The following GPR19 variants were observed in gnomAD, a reference collection of about 807,000 sequenced individuals.
The protein encoded by GPR19 is probable G protein-coupled receptor 19.
Under a neutral mutation model 28.5 loss-of-function variants are expected in GPR19, and 14 were observed. The ratio of observed to expected loss-of-function variants is 0.49; its 90% CI spans 0.32 to 0.77. The LOEUF (loss-of-function observed/expected upper bound fraction) is 0.77, where lower values mean the gene tolerates loss of function less well. Among genes scored for constraint, GPR19 ranks in the 30% least tolerant of loss-of-function variants. GPR19 has a pLI of 0.03. For synonymous variants in GPR19, 173 were observed against 184.1 expected (o/e 0.94, Z 0.49); for missense variants, 409 against 504.1 (o/e 0.81, Z 1.81).
At chr12:12,700,585 A>T (rs1156894646), upstream of GPR19, among the ~76,000 whole-genome samples, 1 of 152,216 alleles carries the variant, frequency 6.6e-6, no homozygotes, top group Non-Finnish European at 1.5e-5. Context: ...CAGGTCACTC[A>T]AAACCTTTGC....
the GPR19 span, among the ~76,000 whole-genome samples, chr12:12,701,547 T>C: frequency 2.6e-5 from 4 of 152,202 alleles, no homozygotes; most frequent in African/African-American, 9.7e-5. Context: ...CAGTGTCCTT[T>C]CTATTCACCA....
In GPR19 at chr12:12,661,210, A is replaced by T; in HGVS notation, c.1239T>A (p.Thr413=). The change falls in exon 4 of 4, where the codon ACT becomes ACA. Residue 413 remains threonine (T), a synonymous_variant. Coordinates refer to ENST00000651487, the MANE Select transcript of GPR19 (RefSeq NM_006143.3). This position sits in a 1 kb window ranked among gnomAD's most constrained non-coding sequence, Gnocchi z 4.2. The part of the protein sequence containing the change: ...AWPINSNPPN[T]FV ...TTGAAAGAATGAGAACTTAGACAAAAGTATTTGGTGGATTTGAGTTAATGG... is the reference window on the plus strand; with the variant it reads ...TTGAAAGAATGAGAACTTAGACAAATGTATTTGGTGGATTTGAGTTAATGG... 2 of 1,597,774 alleles carry T rather than the reference A, an allele frequency of 1.3e-6. No homozygotes were observed. Among genetic ancestry groups the T allele is most frequent in the Non-Finnish European group, 1.7e-6 (2 of 1,172,464 alleles).
chr12:12,664,482 A>C (rs1945729968), intron 3 of GPR19, among the ~76,000 whole-genome samples: 1 of 152,130 alleles, frequency 6.6e-6, no homozygotes, highest in African/African-American at 2.4e-5. Flanking sequence ...TAAGTAAGAT[A>C]ATTAAAATTT....
chr12:12,717,187 C>T, the GPR19 span: 2 of 1,046,102 alleles, frequency 1.9e-6, no homozygotes, highest in Non-Finnish European at 2.3e-6. Context: ...AGCAGTCACG[C>T]GACCAGCCAA....
At chr12:12,689,152 C>T (rs1038784025) in intron 2 of GPR19, among the ~76,000 whole-genome samples, 2 of 152,236 alleles carry the variant, frequency 1.3e-5, no homozygotes, top group South Asian at 4.1e-4. Context: ...TGGTGCCACA[C>T]ACTTAATACA....
At chr12:12,686,807 C>T (rs1946103913) in intron 2 of GPR19, among the ~76,000 whole-genome samples, 1 of 152,118 alleles carries the variant, frequency 6.6e-6, no homozygotes, top group African/African-American at 2.4e-5. Flanking sequence ...TAAGAAATCA[C>T]AAAGATTGCT....
chr12:12,716,937 C>T, the GPR19 span: 2 of 985,140 alleles, frequency 2.0e-6, no homozygotes, highest in Non-Finnish European at 2.4e-6. Context: ...CAGCTCGCCA[C>T]CCCGGCTCCT....
intron 3 of GPR19, among the ~76,000 whole-genome samples, chr12:12,664,188 C>T (rs1945724321): frequency 6.6e-6 from 1 of 152,038 alleles, no homozygotes; most frequent in African/African-American, 2.4e-5. Flanking sequence ...CCGGGTTTCC[C>T]CACGTTGGCC....
At chr12:12,680,676 T>C (rs1057452166) in intron 3 of GPR19, among the ~76,000 whole-genome samples, 4 of 149,634 alleles carry the variant, frequency 2.7e-5, no homozygotes, top group African/African-American at 9.9e-5. Flanking sequence ...CCAGCTATTT[T>C]TGTAGATCTC....
the GPR19 span, among the ~76,000 whole-genome samples, chr12:12,702,984 T>C: frequency 6.6e-6 from 1 of 152,180 alleles, no homozygotes; most frequent in African/African-American, 2.4e-5. Context: ...CAGTATACAG[T>C]TTCCTTAAAT....
At chr12:12,709,969 G>C in the GPR19 span, among the ~76,000 whole-genome samples, 1 of 152,172 alleles carries the variant, frequency 6.6e-6, no homozygotes, top group Admixed American at 6.5e-5. Context: ...CCCAGCAGAG[G>C]TTATGGGAAC....
At chr12:12,691,936 A>T (rs1946186530) in intron 2 of GPR19, among the ~76,000 whole-genome samples, 1 of 152,184 alleles carries the variant, frequency 6.6e-6, no homozygotes, top group Non-Finnish European at 1.5e-5. Context: ...AGTCCTATAT[A>T]ACAATCAAAA....
At chr12:12,689,989 C>A (rs540711846) in intron 2 of GPR19, among the ~76,000 whole-genome samples, 1 of 152,224 alleles carries the variant, frequency 6.6e-6, no homozygotes, top group Non-Finnish European at 1.5e-5. Context: ...AGTGACCATA[C>A]CCCTAGCTAA....
At chr12:12,705,249 G>A in the GPR19 span, among the ~76,000 whole-genome samples, 2 of 151,770 alleles carry the variant, frequency 1.3e-5, no homozygotes, top group Admixed American at 1.3e-4. Flanking sequence ...CTTGGGAGGC[G>A]GAGGTTACAG....
chr12:12,671,537 G>A (rs1445293794), intron 3 of GPR19, among the ~76,000 whole-genome samples: 1 of 152,080 alleles, frequency 6.6e-6, no homozygotes, highest in African/African-American at 2.4e-5. Flanking sequence ...CTGGCATCAA[G>A]CAGTTTCTCA....
At chr12:12,713,956 T>C in the GPR19 span, among the ~76,000 whole-genome samples, 1 of 152,242 alleles carries the variant, frequency 6.6e-6, no homozygotes, top group Admixed American at 6.5e-5. Context: ...TTACATAGTA[T>C]GTACTTCTTT....
chr12:12,689,047 G>A (rs1055950257), intron 2 of GPR19: 1 of 152,238 alleles, frequency 6.6e-6, no homozygotes, highest in Non-Finnish European at 1.5e-5. Context: ...CTCAGCTTCT[G>A]GGTAGGCCTC....
chr12:12,662,899 A>T (rs1376672456), intron 3 of GPR19, among the ~76,000 whole-genome samples: 1 of 152,266 alleles, frequency 6.6e-6, no homozygotes, highest in Non-Finnish European at 1.5e-5. Context: ...GTTGCAAAAG[A>T]GGAAAGCTTG....
At chr12:12,680,487 A>G (rs1057197416) in intron 3 of GPR19, among the ~76,000 whole-genome samples, 4 of 152,178 alleles carry the variant, frequency 2.6e-5, no homozygotes, top group Non-Finnish European at 5.9e-5. Flanking sequence ...CATATTCATG[A>G]TGGTAACTGC....
Sources: allele counts gnomAD v4.1 joint callset (sites outside exome capture counted in the v4.1 genomes callset), GRCh38; gene constraint gnomAD v4.1.1; non-coding constraint Gnocchi (gnomAD v3.1); transcripts MANE v1.5; gene names NCBI Gene and HGNC (gene_info 2026-07-23, HGNC 2026-07-21).